IPO11: variants seen among roughly 807,000 people sequenced by gnomAD.
IPO11 encodes importin-11.
IPO11 carries 66 observed loss-of-function variants against 143.2 expected under a neutral mutation model. The observed-to-expected ratio is 0.46, with a 90% CI of 0.38 to 0.57. IPO11 has a LOEUF of 0.57. Ranked by LOEUF, IPO11 falls within the 20% of genes least tolerant of loss-of-function variation. IPO11 has a pLI of 0.00. For synonymous variants in IPO11, 385 were observed against 377.8 expected, an observed-to-expected ratio of 1.02 and a Z score of -0.22; for missense variants, 1,026 against 1,141.0, an observed-to-expected ratio of 0.90 and a Z score of 1.45.
At chr5:62,602,312 A>G (rs1161161091) in intron 29 of IPO11, among the ~76,000 whole-genome samples, 1 of 152,138 alleles carries the variant, frequency 6.6e-6, no homozygotes, top group East Asian at 1.9e-4. Flanking sequence ...GAGGAATCTG[A>G]TAAGGGGAAA....
chr5:62,600,607 G>A (rs988125428), intron 28 of IPO11, among the ~76,000 whole-genome samples: 1 of 152,156 alleles, frequency 6.6e-6, no homozygotes, highest in Non-Finnish European at 1.5e-5. Flanking sequence ...TTATTAAATA[G>A]CTTTTGGGTT....
In IPO11 at chr5:62,443,001, A is replaced by G. The variant is rs369313132; in HGVS notation, c.157A>G (p.Thr53Ala). The change falls in exon 3 of 30, where the codon ACT becomes GCT. Residue 53 changes from threonine to alanine, a missense_variant. Transcript: ENST00000325324. ...TTTATAGAATATTTTCACCAACCACACTTTGGATATAAATGTAAGGTGGCT... is the reference window on the plus strand; with the variant it reads ...TTTATAGAATATTTTCACCAACCACGCTTTGGATATAAATGTAAGGTGGCT... ...SVLLNIFTNHTLDINVRWLAV... is the reference protein window; with the variant it reads ...SVLLNIFTNHALDINVRWLAV... 12 of 1,602,968 alleles carry G rather than the reference A, an allele frequency of 7.5e-6. No individual in the cohort carries two copies. In the African/African-American group the frequency reaches 1.3e-4, roughly 18 times the overall value.
chr5:62,585,588 T>G (rs1255889457), intron 27 of IPO11, among the ~76,000 whole-genome samples: 1 of 152,156 alleles, frequency 6.6e-6, no homozygotes. Flanking sequence ...GTTTGGATTT[T>G]TAAGTGTAAT....
intron 24 of IPO11, among the ~76,000 whole-genome samples, chr5:62,546,468 G>A (rs922320459): frequency 6.6e-6 from 1 of 152,108 alleles, no homozygotes; most frequent in African/African-American, 2.4e-5. Context: ...GGAGTGGGGA[G>A]GGATAGCATT....
chr5:62,504,543 A>G (rs1741478093), intron 16 of IPO11, 124 bp from the exon 17 acceptor site: 6 of 583,432 alleles, frequency 1.0e-5, no homozygotes. Context: ...GAATATTTAC[A>G]TGGTCTGTGA....
chr5:62,537,194 T>C lies in IPO11; in HGVS notation c.2170-15T>C. ...GATATATTCTTACATATATTGACTTTTAATTGAATTTCAGACATACGCAGT... is the reference window on the plus strand; with the variant it reads ...GATATATTCTTACATATATTGACTTCTAATTGAATTTCAGACATACGCAGT... On this transcript the variant is annotated splice_polypyrimidine_tract_variant and intron_variant, in intron 23 of 29. Coordinates refer to ENST00000325324, the MANE Select transcript of IPO11 (RefSeq NM_016338.5). The C allele has an allele frequency of 2.7e-6, 4 of 1,503,844 alleles. No homozygotes were observed. The highest frequency in any genetic ancestry group is 3.7e-6 in the Non-Finnish European group (4 of 1,091,332). The allele number at this position is 1,503,844 out of a possible 1,614,324, so 93.2% of individuals were successfully genotyped here. A position where few individuals can be genotyped will look rare whatever the true frequency, so the allele number is the denominator to read the frequency against.
At position 62,567,472 on chromosome 5, in the gene IPO11, C is replaced by CTATTAT. The variant is rs71590888; in HGVS notation, c.2582+6235_2582+6240dup. ...TCTTTCTCTGGATTTGGAAAATTTT[C>CTATTAT]TATTATTATTATTATTATTATTATT... is the stretch of plus-strand genomic sequence containing the variant. On this transcript the variant is annotated intron_variant, in intron 27 of 29. Transcript: ENST00000325324. Among the ~76,000 whole-genome samples the CTATTAT allele has an allele frequency of 9.6e-4, 128 of 133,746 alleles. 1 individual carries two copies. The highest frequency in any genetic ancestry group is 1.5e-3 in the Non-Finnish European group (97 of 63,558). 87.7% of individuals were successfully genotyped at this position (133,746 alleles called of 152,430 possible).
intron 27 of IPO11, among the ~76,000 whole-genome samples, chr5:62,572,586 T>TTTAC (rs928938906): frequency 6.6e-6 from 1 of 150,976 alleles, no homozygotes; most frequent in African/African-American, 2.4e-5. Flanking sequence ...TATTTATTTA[T>TTTAC]TTTTGAGGCT....
At chr5:62,436,262 A>G (rs1744229036) in intron 1 of IPO11, among the ~76,000 whole-genome samples, 1 of 152,154 alleles carries the variant, frequency 6.6e-6, no homozygotes, top group African/African-American at 2.4e-5. Flanking sequence ...TTTAATTGTA[A>G]TTATTTTAAC....
chr5:62,430,199 A>G (rs1743928395), intron 1 of IPO11, among the ~76,000 whole-genome samples: 2 of 152,212 alleles, frequency 1.3e-5, no homozygotes, highest in South Asian at 2.1e-4. Flanking sequence ...GTATGTCCAA[A>G]GGTAGAATTG....
intron 3 of IPO11, among the ~76,000 whole-genome samples, chr5:62,446,041 G>C (rs1744707585): frequency 6.6e-6 from 1 of 152,172 alleles, no homozygotes. Flanking sequence ...ATTAAAGTTG[G>C]AAAGTATAGC....
intron 2 of IPO11, among the ~76,000 whole-genome samples, chr5:62,441,421 C>G (rs1396867631): frequency 1.4e-5 from 2 of 146,370 alleles, no homozygotes; most frequent in African/African-American, 5.0e-5. Context: ...GGTCTTGAAC[C>G]TTTGACCTCA....
intron 7 of IPO11, among the ~76,000 whole-genome samples, chr5:62,474,071 G>C (rs1561325381): frequency 6.6e-6 from 1 of 152,160 alleles, no homozygotes; most frequent in Non-Finnish European, 1.5e-5. Context: ...AAATGGACAA[G>C]TGCAGTATTT....
chr5:62,541,675 T>C (rs1742943124), intron 24 of IPO11, among the ~76,000 whole-genome samples: 2 of 151,506 alleles, frequency 1.3e-5, no homozygotes, highest in South Asian at 4.1e-4. Context: ...AGTGAGACCC[T>C]GTTTCAAAAA....
At chr5:62,591,130 T>C (rs1018261804) in intron 27 of IPO11, among the ~76,000 whole-genome samples, 1 of 152,168 alleles carries the variant, frequency 6.6e-6, no homozygotes, top group Non-Finnish European at 1.5e-5. Flanking sequence ...TTTCATCTTA[T>C]TGTGTTTTCA....
intron 1 of IPO11, among the ~76,000 whole-genome samples, chr5:62,434,265 C>G (rs553268132): frequency 6.6e-6 from 1 of 152,086 alleles, no homozygotes; most frequent in South Asian, 2.1e-4. Context: ...CACTGAATAC[C>G]CAGTCTAAAG....
chr5:62,476,637 G>T (rs1479183897), intron 8 of IPO11, 46 bp from the exon 9 acceptor site: 5 of 1,478,538 alleles, frequency 3.4e-6, no homozygotes, highest in South Asian at 2.7e-5. Flanking sequence ...TGTTGTCTTG[G>T]TTGTGAACTT....
chr5:62,505,786 A>T (rs1039798330), intron 18 of IPO11, among the ~76,000 whole-genome samples: 1 of 152,090 alleles, frequency 6.6e-6, no homozygotes, highest in Admixed American at 6.6e-5. Context: ...CATGCAATAT[A>T]TATTAAGGGT....
intron 27 of IPO11, among the ~76,000 whole-genome samples, chr5:62,569,463 C>T (rs1430248027): frequency 6.6e-6 from 1 of 152,150 alleles, no homozygotes; most frequent in East Asian, 1.9e-4. Context: ...TTGGAGGGTT[C>T]TGTTTTGCCA....
Sources: allele counts gnomAD v4.1 joint callset (sites outside exome capture counted in the v4.1 genomes callset), GRCh38; gene constraint gnomAD v4.1.1; transcripts MANE v1.5; gene names NCBI Gene and HGNC (gene_info 2026-07-23, HGNC 2026-07-21).